The following SERAC1 variants were observed in gnomAD, a reference collection of about 807,000 sequenced individuals.
SERAC1 encodes the protein serine active site containing 1, also known as protein SERAC1.
A neutral mutation model predicts 85.7 loss-of-function variants in SERAC1; 36 were observed. The ratio of observed to expected loss-of-function variants is 0.42; its 90% CI spans 0.32 to 0.55. The LOEUF is 0.55. SERAC1 is among the 20% of genes least tolerant of loss of function. SERAC1 has a pLI of 0.11. For synonymous variants in SERAC1, 242 were observed against 265.3 expected, an observed-to-expected ratio of 0.91 and a Z score of 0.85; for missense variants, 629 against 796.2, an observed-to-expected ratio of 0.79 and a Z score of 2.53.
intron 3 of SERAC1, among the ~76,000 whole-genome samples, chr6:158,151,768 A>T (rs886095220): frequency 6.6e-6 from 1 of 152,178 alleles, no homozygotes; most frequent in Admixed American, 6.5e-5. Flanking sequence ...GAATAAAGAC[A>T]TAAAGAAAGA....
chr6:158,111,702 A>G, intron 16 of SERAC1, 200 bp from the exon 17 acceptor site: 1 of 438,926 alleles, frequency 2.3e-6, no homozygotes, highest in Non-Finnish European at 4.0e-6. Flanking sequence ...CAGTCAGTAG[A>G]ACCATAGTTT....
rs1489424531 is a variant in SERAC1 at position 158,130,353 on chromosome 6, A to G, written c.852+20T>C. ...AATAAAATCATAAAAAGTAAACTAC[A>G]TTTTGAAAATGTAAATTACCTCAGA... On this transcript the variant is annotated intron_variant, in intron 9 of 16. Coordinates refer to ENST00000647468, the MANE Select transcript of SERAC1 (RefSeq NM_032861.4). 7.4e-7 allele frequency: 1 copy of G among 1,350,880 alleles called. No individual in the cohort carries two copies. Among genetic ancestry groups the G allele is most frequent in the Non-Finnish European group, 1.0e-6 (1 of 991,426 alleles). 83.7% of individuals were successfully genotyped at this position (1,350,880 alleles called of 1,614,324 possible).
At chr6:158,140,873 T>C (rs944077204) in intron 8 of SERAC1, among the ~76,000 whole-genome samples, 1 of 152,070 alleles carries the variant, frequency 6.6e-6, no homozygotes, top group Non-Finnish European at 1.5e-5. Context: ...AAGTGTTAAG[T>C]GGTGTGAGAA....
At chr6:158,115,722 AC>A (rs1784271730) in intron 14 of SERAC1, among the ~76,000 whole-genome samples, 1 of 152,068 alleles carries the variant, frequency 6.6e-6, no homozygotes. Context: ...ACTTGATCAC[AC>A]CTGTACCTCA....
At chr6:158,159,360 G>A (rs971884856) in intron 1 of SERAC1, 4 of 151,882 alleles carry the variant, frequency 2.6e-5, no homozygotes, top group African/African-American at 7.3e-5. Flanking sequence ...TTAGCCAGGT[G>A]TGGTGGTGCA....
intron 9 of SERAC1, among the ~76,000 whole-genome samples, chr6:158,129,089 A>C (rs1447533536): frequency 6.6e-6 from 1 of 152,220 alleles, no homozygotes; most frequent in African/African-American, 2.4e-5. Context: ...CTGTATATCA[A>C]GTGAGATCTG....
intron 10 of SERAC1, among the ~76,000 whole-genome samples, chr6:158,127,066 T>A (rs1460480005): frequency 6.7e-6 from 1 of 149,986 alleles, no homozygotes; most frequent in Non-Finnish European, 1.5e-5. Context: ...AAAAAAAAAA[T>A]TACATAAATA....
rs1489360796 is a variant in SERAC1 at position 158,117,727 on chromosome 6, C to T, written c.1403G>A (p.Arg468Lys). 2 of 1,614,032 alleles carry T rather than the reference C, an allele frequency of 1.2e-6. No individual in the cohort carries two copies. The highest frequency in any genetic ancestry group is 1.3e-5 in the African/African-American group (1 of 75,038). Residue 468 changes from arginine (R) to lysine (K), a missense_variant and splice_region_variant, in exon 13 of 17, where the codon AGA (arginine) becomes AAA (lysine). Coordinates refer to ENST00000647468, the MANE Select transcript of SERAC1 (RefSeq NM_032861.4). This position sits in a 1 kb window ranked among gnomAD's most constrained non-coding sequence, Gnocchi z 4.3. ...CCTGGTCTAAAGTCGCCTCTGTTAC[C>T]TTTCCATAGGGCACCTTGCTCTCCA... ...SDWRARCPME[R>K]KSIAFRSNEL...
chr6:158,122,270 G>A (rs1383696182), intron 10 of SERAC1, among the ~76,000 whole-genome samples: 7 of 152,172 alleles, frequency 4.6e-5, no homozygotes, highest in Admixed American at 2.0e-4. Context: ...ACTGCCTAAC[G>A]ATACATTCCT....
chr6:158,144,589 C>T (rs1362472223), intron 6 of SERAC1, among the ~76,000 whole-genome samples, 169 bp from the exon 7 acceptor site: 1 of 152,160 alleles, frequency 6.6e-6, no homozygotes, highest in African/African-American at 2.4e-5. Flanking sequence ...AAGCTAGATA[C>T]GTTTCCAGGA....
intron 1 of SERAC1, among the ~76,000 whole-genome samples, chr6:158,159,779 C>A (rs1785444109): frequency 6.6e-6 from 1 of 152,010 alleles, no homozygotes; most frequent in Non-Finnish European, 1.5e-5. Context: ...TGCCCACCAC[C>A]ACACTCAACT....
At position 158,120,376 on chromosome 6, in the gene SERAC1, G is replaced by C. The variant is rs1382198629; in HGVS notation, c.1166+49C>G. The C allele has an allele frequency of 1.3e-6, 2 of 1,560,302 alleles. No individual in the cohort carries two copies. The highest frequency in any genetic ancestry group is 2.4e-5 in the South Asian group (2 of 81,646). ...ATAAGTTAAAAATTTGAGGCCTCTA[G>C]GCTTCACATTTCCAAAGGGGACAAA... is the stretch of plus-strand genomic sequence containing the variant. On this transcript the variant is annotated intron_variant, in intron 11 of 16. Transcript: ENST00000647468. This position sits in a 1 kb window ranked among gnomAD's most constrained non-coding sequence, Gnocchi z 4.4.
chr6:158,167,066 AG>A (rs1353075643), intron 1 of SERAC1, among the ~76,000 whole-genome samples: 1 of 152,112 alleles, frequency 6.6e-6, no homozygotes, highest in Non-Finnish European at 1.5e-5. Flanking sequence ...AGCAAATAAA[AG>A]ATACTTGGGA....
chr6:158,111,232 G>T lies in SERAC1; in HGVS notation c.*134C>A. 2 of 834,460 alleles carry T rather than the reference G, an allele frequency of 2.4e-6. No homozygotes were observed. The highest frequency in any genetic ancestry group is 1.8e-6 in the Non-Finnish European group (1 of 556,714). 51.7% of individuals were successfully genotyped at this position (834,460 alleles called of 1,614,324 possible). A position where few individuals can be genotyped will look rare whatever the true frequency, so the allele number is the denominator to read the frequency against. The stretch of plus-strand genomic sequence containing the variant: ...CTTGAAGGGAGAACAATGTTCTGTA[G>T]TCTGCAACACACTCCAGACCATGTT... On this transcript the variant is annotated 3_prime_UTR_variant, in exon 17 of 17. Coordinates refer to ENST00000647468, the MANE Select transcript of SERAC1 (RefSeq NM_032861.4).
intron 5 of SERAC1, among the ~76,000 whole-genome samples, chr6:158,147,122 G>A (rs1275782780): frequency 6.6e-6 from 1 of 150,886 alleles, no homozygotes; most frequent in East Asian, 1.9e-4. Context: ...GCTTTTTTTT[G>A]GATGGGGGGG....
intron 4 of SERAC1, among the ~76,000 whole-genome samples, chr6:158,150,029 T>C (rs1216307558): frequency 1.3e-5 from 2 of 152,240 alleles, no homozygotes. Flanking sequence ...TGGTGACAGA[T>C]AATTATAATA....
At chr6:158,116,467 G>T (rs1341942776) in intron 13 of SERAC1, 185 bp from the exon 14 acceptor site, 4 of 542,638 alleles carry the variant, frequency 7.4e-6, no homozygotes, top group African/African-American at 3.8e-5. Flanking sequence ...TGAACTCCTG[G>T]CCCCAAGGAA....
chr6:158,141,402 G>A (rs927311250), intron 8 of SERAC1, among the ~76,000 whole-genome samples: 2 of 152,190 alleles, frequency 1.3e-5, no homozygotes, highest in Admixed American at 6.5e-5. Context: ...AAAACCCAAT[G>A]AATTGTATAG....
chr6:158,156,919 A>G (rs10946110), intron 2 of SERAC1, among the ~76,000 whole-genome samples: 22,892 of 57,930 alleles, frequency 0.4, 2,558 homozygotes, highest in East Asian at 0.46. Flanking sequence ...TATTTATATA[A>G]ATATTAATAT....
Sources: gnomAD v4.1 joint callset for allele counts (sites outside exome capture counted in the v4.1 genomes callset) on GRCh38, gnomAD v4.1.1 for gene constraint, Gnocchi (gnomAD v3.1) non-coding constraint, MANE v1.5 for transcripts, NCBI Gene and HGNC (gene_info 2026-07-23, HGNC 2026-07-21) for gene names.